Variants in RFX3 observed in about 807,000 individuals in gnomAD.
RFX3 encodes transcription factor RFX3.
RFX3 carries 14 observed loss-of-function variants against 98.6 expected under a neutral mutation model. The ratio of observed to expected loss-of-function variants is 0.14; its 90% CI spans 0.09 to 0.22. RFX3 has a LOEUF of 0.22. RFX3 is among the 10% of genes least tolerant of loss of function. RFX3 has a pLI of 1.00. For missense variants in RFX3, 639 were observed against 926.9 expected (o/e 0.69, Z 4.03); for synonymous variants, 383 against 328.4 (o/e 1.17, Z -1.80).
chr9:3,482,426 T>C (rs1282981696), intron 1 of RFX3, among the ~76,000 whole-genome samples: 1 of 152,158 alleles, frequency 6.6e-6, no homozygotes, highest in Non-Finnish European at 1.5e-5. Context: ...AACATACATA[T>C]TTTTACTTTC....
At chr9:3,394,456 C>T (rs890907035) in intron 2 of RFX3, among the ~76,000 whole-genome samples, 2 of 152,014 alleles carry the variant, frequency 1.3e-5, no homozygotes, top group Non-Finnish European at 2.9e-5. Flanking sequence ...GCGAGACTCC[C>T]GTCTCAAAAA....
intron 2 of RFX3, chr9:3,364,333 C>G (rs1043347000): frequency 6.1e-6 from 1 of 164,174 alleles, no homozygotes; most frequent in African/African-American, 2.4e-5. Context: ...TACACCTTAG[C>G]TCATCCATTT....
chr9:3,410,094 C>G (rs918358157), intron 1 of RFX3, among the ~76,000 whole-genome samples: 2 of 149,394 alleles, frequency 1.3e-5, no homozygotes, highest in Non-Finnish European at 3.0e-5. Flanking sequence ...TAGACGTTTC[C>G]AAGTCTCTTT....
chr9:3,378,051 C>T lies in RFX3; in HGVS notation c.117+17421G>A, dbSNP rs576261827. On this transcript the variant is annotated intron_variant, in intron 2 of 16. Transcript: ENST00000617270. ...AGATCAAATATTTAAGTATCCTGTT[C>T]ATTGAGGCAACTTCATTAGTTAATT... is the stretch of plus-strand genomic sequence containing the variant. Among the ~76,000 whole-genome samples the T allele has an allele frequency of 2.0e-5, 3 of 152,232 alleles. No individual in the cohort carries two copies. The East Asian group carries it at 5.8e-4, about 29-fold the overall frequency.
chr9:3,315,084 T>C (rs1408455343), intron 4 of RFX3, among the ~76,000 whole-genome samples: 3 of 151,690 alleles, frequency 2.0e-5, no homozygotes, highest in African/African-American at 7.3e-5. Context: ...CTTCTCAGCA[T>C]CACATCACAC....
intron 15 of RFX3, among the ~76,000 whole-genome samples, chr9:3,232,833 G>A (rs576253051): frequency 1.1e-4 from 16 of 151,782 alleles, no homozygotes; most frequent in African/African-American, 3.4e-4. Context: ...AGAGAGGGAG[G>A]GGAGGGAGGG....
intron 1 of RFX3, among the ~76,000 whole-genome samples, chr9:3,517,274 G>C (rs1316271264): frequency 1.3e-5 from 2 of 152,110 alleles, no homozygotes; most frequent in Non-Finnish European, 2.9e-5. Context: ...ACCAGGCTAA[G>C]GTTTTACAGT....
At chr9:3,355,836 C>A (rs1835684224) in intron 2 of RFX3, among the ~76,000 whole-genome samples, 1 of 151,806 alleles carries the variant, frequency 6.6e-6, no homozygotes, top group Admixed American at 6.6e-5. Flanking sequence ...ACAGAGCATG[C>A]TCTCTGACCA....
intron 15 of RFX3, among the ~76,000 whole-genome samples, chr9:3,233,996 C>T (rs1279228371): frequency 2.0e-5 from 3 of 152,182 alleles, no homozygotes; most frequent in African/African-American, 7.2e-5. Context: ...AAAATTGCAT[C>T]TTACAGAAAA....
chr9:3,247,822 G>T (rs1563796570), intron 15 of RFX3: 1 of 1,605,150 alleles, frequency 6.2e-7, no homozygotes, highest in Middle Eastern at 1.7e-4. Context: ...ACTTTCACAT[G>T]ATATAATCCA....
chr9:3,452,763 A>C (rs572414280), intron 1 of RFX3, among the ~76,000 whole-genome samples: 2 of 152,336 alleles, frequency 1.3e-5, no homozygotes, highest in South Asian at 4.1e-4. Context: ...TTAAAAACTT[A>C]TTATAAAAGC....
At chr9:3,327,864 C>T (rs1165490768) in intron 4 of RFX3, among the ~76,000 whole-genome samples, 1 of 150,938 alleles carries the variant, frequency 6.6e-6, no homozygotes, top group African/African-American at 2.5e-5. Flanking sequence ...TACATACATA[C>T]CTACATAGAA....
intron 1 of RFX3, among the ~76,000 whole-genome samples, chr9:3,418,489 C>T (rs1843167382): frequency 6.6e-6 from 1 of 152,052 alleles, no homozygotes; most frequent in South Asian, 2.1e-4. Context: ...AAGCAATTCT[C>T]CTACCTCAGC....
At position 3,475,419 on chromosome 9, in the gene RFX3, T is replaced by G. The variant is rs560089030; in HGVS notation, c.-9+50328A>C. 1.7e-3 allele frequency among the ~76,000 whole-genome samples: 260 copies of G among 149,978 alleles called. 1 individual carries two copies. Among genetic ancestry groups the G allele is most frequent in the African/African-American group, 4.3e-3 (175 of 40,670 alleles). On this transcript the variant is annotated intron_variant, in intron 1 of 16. Coordinates refer to ENST00000617270, the MANE Select transcript of RFX3 (RefSeq NM_001282116.2). ...TGGAAACAAGGCAAAAGGGGAAGGGTAAGGAGTGTGAGTCATCTCCAATGA... is the reference window on the plus strand; with the variant it reads ...TGGAAACAAGGCAAAAGGGGAAGGGGAAGGAGTGTGAGTCATCTCCAATGA...
At chr9:3,517,153 C>A (rs1241086374) in intron 1 of RFX3, among the ~76,000 whole-genome samples, 1 of 152,148 alleles carries the variant, frequency 6.6e-6, no homozygotes, top group Non-Finnish European at 1.5e-5. Flanking sequence ...CCTTCCCTTT[C>A]CCAGTGTCAA....
chr9:3,382,896 G>A (rs978276982), intron 2 of RFX3, among the ~76,000 whole-genome samples: 1 of 152,018 alleles, frequency 6.6e-6, no homozygotes, highest in South Asian at 2.1e-4. Flanking sequence ...TTATTGCTTA[G>A]AATATATATG....
intron 1 of RFX3, among the ~76,000 whole-genome samples, chr9:3,414,331 T>A (rs1209965070): frequency 6.6e-6 from 1 of 152,146 alleles, no homozygotes; most frequent in Admixed American, 6.5e-5. Context: ...GTTATGAGAA[T>A]GTCAATCTTA....
intron 1 of RFX3, among the ~76,000 whole-genome samples, chr9:3,397,856 T>C (rs1005009685): frequency 6.6e-6 from 1 of 152,190 alleles, no homozygotes; most frequent in Non-Finnish European, 1.5e-5. Flanking sequence ...AATGAATCCA[T>C]GTAACAACTC....
Position 3,456,357 on chromosome 9 carries a change from GC to G in RFX3, c.-8-60762del, listed in dbSNP as rs1847151294. Among the ~76,000 whole-genome samples, 6 of 152,216 alleles carry G rather than the reference GC, an allele frequency of 3.9e-5. 1 individual carries two copies. In the South Asian group the frequency reaches 1.2e-3, roughly 32 times the overall value. ...GTGTGATAATTTGACAAACCTATAT[GC>G]AAAATTTTATGTTAATCAGTATTAC... On this transcript the variant is annotated intron_variant, in intron 1 of 16. Coordinates refer to ENST00000617270, the MANE Select transcript of RFX3 (RefSeq NM_001282116.2).
Sources: allele counts gnomAD v4.1 joint callset (sites outside exome capture counted in the v4.1 genomes callset), GRCh38; gene constraint gnomAD v4.1.1; transcripts MANE v1.5; gene names NCBI Gene and HGNC (gene_info 2026-07-23, HGNC 2026-07-21).